The following DZIP3 variants were observed in gnomAD, a reference collection of about 807,000 sequenced individuals.
DZIP3 encodes the protein E3 ubiquitin-protein ligase DZIP3.
In DZIP3, 118 loss-of-function variants were observed where a neutral mutation model predicts 162.0. The observed-to-expected ratio is 0.73, with a 90% confidence interval of 0.63 to 0.85. The LOEUF (loss-of-function observed/expected upper bound fraction) is 0.85. DZIP3 is among the 40% of genes least tolerant of loss of function. The pLI is 0.00. For synonymous variants in DZIP3, 438 were observed against 458.6 expected (o/e 0.96, Z 0.57); for missense variants, 1,331 against 1,407.0 (o/e 0.95, Z 0.86).
intron 7 of DZIP3, among the ~76,000 whole-genome samples, chr3:108,627,784 T>C (rs575403645): frequency 2.0e-5 from 3 of 152,318 alleles, no homozygotes; most frequent in African/African-American, 7.2e-5. Flanking sequence ...GCAATTCTTA[T>C]GATTAACAAG....
chr3:108,635,635 AGT>A (rs1291209393), intron 10 of DZIP3, among the ~76,000 whole-genome samples: 2 of 78,458 alleles, frequency 2.5e-5, no homozygotes, highest in African/African-American at 6.8e-5. Context: ...TAATTATATA[AGT>A]TATATATATA....
intron 19 of DZIP3, among the ~76,000 whole-genome samples, chr3:108,657,204 A>G (rs1411027096): frequency 6.6e-6 from 1 of 152,178 alleles, no homozygotes; most frequent in African/African-American, 2.4e-5. Flanking sequence ...ACCAAAGTTG[A>G]AATGAAGGAA....
In DZIP3 at chr3:108,651,155, G is replaced by A. The variant is rs757273723; in HGVS notation, c.2026G>A (p.Asp676Asn). 1 of 753,298 alleles carries A rather than the reference G, an allele frequency of 1.3e-6. No individual in the cohort carries two copies. The highest frequency in any genetic ancestry group is 1.9e-6 in the Non-Finnish European group (1 of 535,958). 46.7% of individuals were successfully genotyped at this position (753,298 alleles called of 1,614,324 possible). A position where few individuals can be genotyped will look rare whatever the true frequency, so the allele number is the denominator to read the frequency against. The stretch of plus-strand genomic sequence containing the variant: ...TTTTCAGAATAAAGACTCAAAAGAA[G>A]ACCAAGTGTAAGTATTAGTTTATTT... ...KNKKNKDSKE[D>N]QVPYVVEKEE... Residue 676 changes from aspartate to asparagine, a missense_variant, in exon 18 of 33, where the codon GAC (aspartate) becomes AAC (asparagine). Asp to Asn is a conservative substitution (Grantham distance 23). Coordinates refer to ENST00000361582, the MANE Select transcript of DZIP3 (RefSeq NM_014648.4).
intron 5 of DZIP3, among the ~76,000 whole-genome samples, chr3:108,622,238 G>C (rs1194603462): frequency 6.6e-6 from 1 of 152,168 alleles, no homozygotes; most frequent in Non-Finnish European, 1.5e-5. Context: ...GGGAAGGGTA[G>C]GTGGGGGTTG....
intron 32 of DZIP3, among the ~76,000 whole-genome samples, chr3:108,691,726 A>G (rs770446207): frequency 6.6e-6 from 1 of 152,204 alleles, no homozygotes; most frequent in Non-Finnish European, 1.5e-5. Flanking sequence ...TCAAGATGCC[A>G]TATTTTGGAG....
At chr3:108,660,409 T>A (rs1332020770) in intron 19 of DZIP3, among the ~76,000 whole-genome samples, 3 of 152,288 alleles carry the variant, frequency 2.0e-5, no homozygotes, top group African/African-American at 7.2e-5. Flanking sequence ...ATTTAATAAA[T>A]GGTGCTGGGA....
At chr3:108,659,194 G>C (rs1372090315) in intron 19 of DZIP3, among the ~76,000 whole-genome samples, 2 of 152,114 alleles carry the variant, frequency 1.3e-5, no homozygotes, top group African/African-American at 2.4e-5. Flanking sequence ...AACAAAAAAA[G>C]AGAATTTTAG....
intron 1 of DZIP3, among the ~76,000 whole-genome samples, chr3:108,596,059 G>A (rs1053470788): frequency 4.6e-5 from 7 of 152,302 alleles, no homozygotes; most frequent in African/African-American, 1.7e-4. Flanking sequence ...AAGGGAGGAG[G>A]AATAGGAAGT....
intron 18 of DZIP3, among the ~76,000 whole-genome samples, chr3:108,652,897 T>C (rs1942928526): frequency 6.6e-6 from 1 of 152,000 alleles, no homozygotes. Context: ...CTATACCATC[T>C]AGTTTTGTGT....
chr3:108,645,817 AC>A (rs1477568606), intron 14 of DZIP3, among the ~76,000 whole-genome samples: 1 of 152,184 alleles, frequency 6.6e-6, no homozygotes, highest in Non-Finnish European at 1.5e-5. Context: ...AAAGAGGAGG[AC>A]ACTGAGTTTG....
Position 108,687,873 on chromosome 3 carries a change from A to C in DZIP3, c.3150-103A>C, listed in dbSNP as rs1944550301. The C allele has an allele frequency of 2.0e-6, 3 of 1,465,002 alleles. No homozygotes were observed. The South Asian group carries it at 3.6e-5, about 18-fold the overall frequency. 90.8% of individuals were successfully genotyped at this position (1,465,002 alleles called of 1,614,324 possible). A position where few individuals can be genotyped will look rare whatever the true frequency, so the allele number is the denominator to read the frequency against. ...CTAAAGAGTCCTGTCTGTATGCTACATATCAATCATGCGATAGGATTTTAT... is the reference window on the plus strand; with the variant it reads ...CTAAAGAGTCCTGTCTGTATGCTACCTATCAATCATGCGATAGGATTTTAT... On this transcript the variant is annotated intron_variant, in intron 28 of 32. Coordinates refer to ENST00000361582, the MANE Select transcript of DZIP3 (RefSeq NM_014648.4).
intron 26 of DZIP3, 119 bp downstream of exon 26, chr3:108,677,717 G>A: frequency 1.1e-6 from 1 of 875,632 alleles, no homozygotes; most frequent in South Asian, 1.4e-5. Context: ...GGCACATATT[G>A]TGAGTATCAC....
At chr3:108,622,471 G>T (rs917882632) in intron 5 of DZIP3, among the ~76,000 whole-genome samples, 1 of 152,154 alleles carries the variant, frequency 6.6e-6, no homozygotes, top group African/African-American at 2.4e-5. Flanking sequence ...ATTGGCAACT[G>T]GTGCCTTTTT....
chr3:108,643,534 G>A (rs1209415707), intron 13 of DZIP3, among the ~76,000 whole-genome samples: 2 of 150,688 alleles, frequency 1.3e-5, no homozygotes, highest in Non-Finnish European at 3.0e-5. Flanking sequence ...TGATGCTGCT[G>A]GTCTCTGGGC....
At chr3:108,643,127 TAATA>T (rs2087380806) in intron 13 of DZIP3, among the ~76,000 whole-genome samples, 1 of 152,206 alleles carries the variant, frequency 6.6e-6, no homozygotes, top group African/African-American at 2.4e-5. Context: ...AACGTTAATT[TAATA>T]AATCTCTTGA....
At chr3:108,648,704 G>C (rs1476293951) in intron 16 of DZIP3, 1 of 249,066 alleles carries the variant, frequency 4.0e-6, no homozygotes, top group Non-Finnish European at 8.1e-6. Context: ...ATTATGTGTT[G>C]TTCCTTTATT....
chr3:108,622,880 C>CTCTCTCTCTCTCTCTCTCTGTGTGTG (rs796232998), intron 5 of DZIP3, among the ~76,000 whole-genome samples: 9 of 53,092 alleles, frequency 1.7e-4, no homozygotes, highest in Non-Finnish European at 2.8e-4. Context: ...CTCTCTCTCT[C>CTCTCTCTCTCTCTCTCTCTGTGTGTG]TGTGTGTGTG....
intron 1 of DZIP3, among the ~76,000 whole-genome samples, chr3:108,595,486 A>G (rs1015588876): frequency 1.3e-5 from 2 of 152,160 alleles, no homozygotes; most frequent in Non-Finnish European, 2.9e-5. Flanking sequence ...AAGTGCTGGG[A>G]TTACAGACAT....
intron 4 of DZIP3, among the ~76,000 whole-genome samples, chr3:108,613,737 G>C (rs564998671): frequency 2.0e-5 from 3 of 152,186 alleles, no homozygotes; most frequent in Non-Finnish European, 4.4e-5. Flanking sequence ...CCATATGCTA[G>C]GTCACAAAGC....
Sources: allele counts gnomAD v4.1 joint callset (sites outside exome capture counted in the v4.1 genomes callset), GRCh38; gene constraint gnomAD v4.1.1; transcripts MANE v1.5; gene names NCBI Gene and HGNC (gene_info 2026-07-23, HGNC 2026-07-21).